Variants in ATF7IP2 observed in about 807,000 individuals in gnomAD.
The protein encoded by ATF7IP2 is activating transcription factor 7 interacting protein 2.
In ATF7IP2, 42 loss-of-function variants were observed where a neutral mutation model predicts 64.2. That is an observed-to-expected ratio of 0.65 (90% CI 0.51 to 0.85). The LOEUF (loss-of-function observed/expected upper bound fraction) is 0.85. Ranked by LOEUF, ATF7IP2 falls within the 40% of genes least tolerant of loss-of-function variation. The pLI is 0.00. For missense variants in ATF7IP2, 933 were observed against 784.2 expected (o/e 1.19, Z -2.27); for synonymous variants, 308 against 272.8 (o/e 1.13, Z -1.27).
intron 3 of ATF7IP2, among the ~76,000 whole-genome samples, chr16:10,422,105 A>G (rs755956118): frequency 7.9e-5 from 12 of 152,240 alleles, no homozygotes; most frequent in African/African-American, 1.4e-4. Flanking sequence ...GGAGAATTCC[A>G]AGGGGAAAAT....
chr16:10,408,928 T>C (rs1182442992), intron 1 of ATF7IP2, among the ~76,000 whole-genome samples: 1 of 152,212 alleles, frequency 6.6e-6, no homozygotes, highest in Non-Finnish European at 1.5e-5. Context: ...TCAATGTCTA[T>C]GTTGGAGATA....
At chr16:10,395,149 T>A (rs1453099884) in intron 1 of ATF7IP2, among the ~76,000 whole-genome samples, 1 of 151,886 alleles carries the variant, frequency 6.6e-6, no homozygotes, top group Non-Finnish European at 1.5e-5. Context: ...ACTTCTGACC[T>A]TCCAGTAGTT....
intron 9 of ATF7IP2, among the ~76,000 whole-genome samples, chr16:10,458,095 T>G (rs1461600697): frequency 6.6e-6 from 1 of 152,236 alleles, no homozygotes; most frequent in Non-Finnish European, 1.5e-5. Flanking sequence ...AGAACACCCT[T>G]TCCCACAGAT....
Position 10,451,401 on chromosome 16 carries a change from G to A in ATF7IP2, c.1195-5971G>A, listed in dbSNP as rs1317199962. ...GGGAAGTTCTCCTGGATAATATCCTGAAGAGTGTTTTCTAACTTGGTTCCC... is the reference window on the plus strand; with the variant it reads ...GGGAAGTTCTCCTGGATAATATCCTAAAGAGTGTTTTCTAACTTGGTTCCC... On this transcript the variant is annotated intron_variant, in intron 8 of 13. Coordinates refer to ENST00000562102, the MANE Select transcript of ATF7IP2 (RefSeq NM_001393719.1). Among the ~76,000 whole-genome samples, 10 of 152,268 alleles carry A rather than the reference G, an allele frequency of 6.6e-5. No individual in the cohort carries two copies. The East Asian group carries it at 1.9e-3, about 29-fold the overall frequency.
chr16:10,423,538 G>A lies in ATF7IP2; in HGVS notation c.-160+3915G>A, dbSNP rs148757287. Among the ~76,000 whole-genome samples the A allele has an allele frequency of 1.1e-3, 175 of 152,184 alleles. 1 individual carries two copies. The highest frequency in any genetic ancestry group is 1.7e-3 in the Non-Finnish European group (115 of 68,014). On this transcript the variant is annotated intron_variant, in intron 3 of 13. Coordinates refer to ENST00000562102, the MANE Select transcript of ATF7IP2 (RefSeq NM_001393719.1). ...TTCCTGCCTGAAAAGAACTGAGAGC[G>A]GTCGCTCAAGGCACTGCCCAAACAG...
At chr16:10,470,772 G>A (rs963819681) in intron 9 of ATF7IP2, among the ~76,000 whole-genome samples, 2 of 150,960 alleles carry the variant, frequency 1.3e-5, no homozygotes, top group African/African-American at 4.9e-5. Flanking sequence ...GACAGAGCAC[G>A]AGTCTGTCTC....
At chr16:10,433,435 A>G in intron 5 of ATF7IP2, 90 bp from the exon 6 acceptor site, 1 of 1,235,104 alleles carries the variant, frequency 8.1e-7, no homozygotes. Flanking sequence ...TTAGCCTCCC[A>G]GAGTGCTGGG....
At chr16:10,441,660 A>T (rs570653631) in intron 8 of ATF7IP2, among the ~76,000 whole-genome samples, 19 of 152,232 alleles carry the variant, frequency 1.2e-4, no homozygotes, top group African/African-American at 4.6e-4. Flanking sequence ...TGTCAAATGG[A>T]TAGATTGCAA....
chr16:10,427,071 C>G (rs1271050047), intron 3 of ATF7IP2, among the ~76,000 whole-genome samples: 1 of 152,120 alleles, frequency 6.6e-6, no homozygotes, highest in Non-Finnish European at 1.5e-5. Flanking sequence ...CCAGGGTGGT[C>G]TCGAACTCCT....
rs140001897 is a variant in ATF7IP2, at chr16:10,441,440, G to A, written c.1194+978G>A. Among the ~76,000 whole-genome samples, 13 of 152,148 alleles carry A rather than the reference G, an allele frequency of 8.5e-5. No homozygotes were observed. The South Asian group carries it at 1.7e-3, about 19-fold the overall frequency. ...GTTGTTTCCTGACTTTTTAATGATC[G>A]CCATTCTAACTGGCATGAGTTAGTA... On this transcript the variant is annotated intron_variant, in intron 8 of 13. Coordinates refer to ENST00000562102, the MANE Select transcript of ATF7IP2 (RefSeq NM_001393719.1).
intron 5 of ATF7IP2, 93 bp from the exon 6 acceptor site, chr16:10,433,432 C>T (rs769926353): frequency 1.1e-5 from 13 of 1,211,372 alleles, no homozygotes; most frequent in Non-Finnish European, 1.4e-5. Context: ...TCCTTAGCCT[C>T]CCAGAGTGCT....
At chr16:10,481,439 C>T (rs2050225070) in intron 13 of ATF7IP2, among the ~76,000 whole-genome samples, 1 of 151,862 alleles carries the variant, frequency 6.6e-6, no homozygotes, top group Non-Finnish European at 1.5e-5. Context: ...CACGCACCAC[C>T]ACGCACAGCT....
chr16:10,481,092 CTACT>C, intron 13 of ATF7IP2, 128 bp downstream of exon 13: 1 of 660,326 alleles, frequency 1.5e-6, no homozygotes, highest in East Asian at 2.7e-5. Context: ...TGTTGTTAAT[CTACT>C]TATTTATACA....
chr16:10,463,682 C>T (rs527352448), intron 9 of ATF7IP2, among the ~76,000 whole-genome samples: 3 of 152,282 alleles, frequency 2.0e-5, no homozygotes, highest in East Asian at 1.9e-4. Flanking sequence ...CTGAACTACA[C>T]GACTTCCTAC....
chr16:10,482,007 C>T lies in ATF7IP2; in HGVS notation c.1807C>T (p.Pro603Ser). ...GACTTGGAATATAACCAAAATCAAT[C>T]CCAAGTGTGCTCCTGTAGAAAGCTA... ...ALTWNITKINPKCAPVESYHL... is the reference protein window; with the variant it reads ...ALTWNITKINSKCAPVESYHL... The change falls in exon 14 of 14, where the codon CCC (proline) becomes TCC (serine). Residue 603 changes from proline to serine, a missense_variant. By Grantham distance (74) the Pro-to-Ser change is moderately conservative. Transcript: ENST00000562102. 1.2e-6 allele frequency: 2 copies of T among 1,613,988 alleles called. No homozygotes were observed. The highest frequency in any genetic ancestry group is 1.7e-6 in the Non-Finnish European group (2 of 1,179,954).
At chr16:10,414,099 T>C (rs1220432395) in intron 1 of ATF7IP2, among the ~76,000 whole-genome samples, 1 of 152,220 alleles carries the variant, frequency 6.6e-6, no homozygotes, top group Admixed American at 6.5e-5. Flanking sequence ...CAGGTGTTCT[T>C]TGAGCTTACT....
Position 10,390,356 on chromosome 16 carries a change from G to T in ATF7IP2, c.-242+4234G>T, listed in dbSNP as rs73512945. On this transcript the variant is annotated intron_variant, in intron 1 of 13. Transcript: ENST00000562102. ...TAACATGCTTGTGAATAATCTACAG[G>T]TTAAAAAATTACAATGCATCTTAGA... Among the ~76,000 whole-genome samples, 735 of 152,242 alleles carry T rather than the reference G, an allele frequency of 4.8e-3. 5 individuals carry two copies. Among genetic ancestry groups the T allele is most frequent in the African/African-American group, 0.016 (670 of 41,518 alleles).
intron 1 of ATF7IP2, among the ~76,000 whole-genome samples, chr16:10,406,359 G>C (rs2047639670): frequency 2.6e-5 from 4 of 152,140 alleles, no homozygotes; most frequent in African/African-American, 9.7e-5. Flanking sequence ...ACTTGCCTCA[G>C]CCTTCCAAAG....
intron 5 of ATF7IP2, among the ~76,000 whole-genome samples, chr16:10,431,862 C>T (rs1158937690): frequency 1.5e-4 from 20 of 130,458 alleles, no homozygotes; most frequent in African/African-American, 5.4e-4. Flanking sequence ...CTCGCTCTGT[C>T]GCTCAGGCTG....
Sources: gnomAD v4.1 joint callset for allele counts (sites outside exome capture counted in the v4.1 genomes callset) on GRCh38, gnomAD v4.1.1 for gene constraint, MANE v1.5 for transcripts, NCBI Gene and HGNC (gene_info 2026-07-23, HGNC 2026-07-21) for gene names.